The following PTPN11 variants were observed in gnomAD, a reference collection of about 807,000 sequenced individuals.
PTPN11 encodes tyrosine-protein phosphatase non-receptor type 11.
A neutral mutation model predicts 78.8 loss-of-function variants in PTPN11; 6 were observed. That is an observed-to-expected ratio of 0.08 (90% CI 0.04 to 0.15). The LOEUF (loss-of-function observed/expected upper bound fraction) is 0.15, where lower values mean the gene tolerates loss of function less well. PTPN11 is among the 10% of genes least tolerant of loss of function. PTPN11 has a pLI of 1.00. For missense variants in PTPN11, 386 were observed against 744.8 expected (o/e 0.52, Z 5.61); for synonymous variants, 221 against 263.5 (o/e 0.84, Z 1.56).
At chr12:112,505,106 C>T (rs2038917606) in intron 15 of PTPN11, among the ~76,000 whole-genome samples, 1 of 152,108 alleles carries the variant, frequency 6.6e-6, no homozygotes, top group East Asian at 1.9e-4. Context: ...TTGGTTAGCC[C>T]AGGCTGTGCT....
At chr12:112,454,785 T>G in intron 5 of PTPN11, 105 bp downstream of exon 5, 1 of 696,216 alleles carries the variant, frequency 1.4e-6, no homozygotes, top group Non-Finnish European at 2.6e-6. Context: ...ATCATCAGCC[T>G]CCATGTACCC....
In PTPN11 at chr12:112,485,177, C is replaced by T. The variant is rs188679068; in HGVS notation, c.1225-1298C>T. Among the ~76,000 whole-genome samples the T allele has an allele frequency of 2.7e-3, 407 of 152,012 alleles. 2 individuals are homozygous for T. Among genetic ancestry groups the T allele is most frequent in the African/African-American group, 9.5e-3 (392 of 41,466 alleles). Reference sequence around the variant, plus strand: ...TCTGAGGCCCAAGAATTGCTTGAATCGGGGAGGCGTAGGTTGCAGTGAGCT... The same window carrying T: ...TCTGAGGCCCAAGAATTGCTTGAATTGGGGAGGCGTAGGTTGCAGTGAGCT... On this transcript the variant is annotated intron_variant, in intron 10 of 15. Transcript: ENST00000351677.
At chr12:112,426,356 A>T (rs561864854) in intron 1 of PTPN11, among the ~76,000 whole-genome samples, 2 of 151,894 alleles carry the variant, frequency 1.3e-5, no homozygotes, top group South Asian at 4.2e-4. Flanking sequence ...CCCTTGATTC[A>T]CGCGATTCTC....
Position 112,506,995 on chromosome 12 carries a change from T to C in PTPN11, c.*1203T>C. ...ATGATGATGATGATGATGATGATGG[T>C]TTTTTCTAATCAGAAGAAAGCTGGG... On this transcript the variant is annotated 3_prime_UTR_variant, in exon 16 of 16. Transcript: ENST00000351677. 1 of 253,926 alleles carries C rather than the reference T, an allele frequency of 3.9e-6. No homozygotes were observed. Among genetic ancestry groups the C allele is most frequent in the South Asian group, 5.6e-5 (1 of 17,774 alleles). 15.7% of individuals were successfully genotyped at this position (253,926 alleles called of 1,614,324 possible).
At chr12:112,462,444 G>T (rs1307337696) in intron 6 of PTPN11, among the ~76,000 whole-genome samples, 1 of 151,968 alleles carries the variant, frequency 6.6e-6, no homozygotes, top group African/African-American at 2.4e-5. Flanking sequence ...CTGGGTATAT[G>T]GTTAGTTTAT....
chr12:112,501,992 C>A (rs147299627), intron 13 of PTPN11, 152 bp from the exon 14 acceptor site: 1 of 665,498 alleles, frequency 1.5e-6, no homozygotes, highest in Non-Finnish European at 2.7e-6. Flanking sequence ...AATCCCCTAA[C>A]AATTTGGTCA....
chr12:112,497,112 C>T (rs1188732962), intron 13 of PTPN11, among the ~76,000 whole-genome samples: 5 of 146,782 alleles, frequency 3.4e-5, no homozygotes, highest in African/African-American at 1.3e-4. Flanking sequence ...GCAGAGCTTG[C>T]AGTGAGCTGA....
At position 112,509,223 on chromosome 12, in the gene PTPN11, T is replaced by C. The variant is rs751678120; in HGVS notation, c.*3431T>C. On this transcript the variant is annotated 3_prime_UTR_variant, in exon 16 of 16. Transcript: ENST00000351677. ...TTTTTTCCTTCTTCCTCTTGAAAAGTTCCAAAATATAGTTTATTGTATCTT... is the reference window on the plus strand; with the variant it reads ...TTTTTTCCTTCTTCCTCTTGAAAAGCTCCAAAATATAGTTTATTGTATCTT... 2 of 152,226 alleles carry C rather than the reference T, an allele frequency of 1.3e-5. No homozygotes were observed. The highest frequency in any genetic ancestry group is 2.9e-5 in the Non-Finnish European group (2 of 68,038). The allele number at this position is 152,226 out of a possible 1,614,324, so 9.4% of individuals were successfully genotyped here.
chr12:112,452,055 T>C (rs1215332220), intron 3 of PTPN11, among the ~76,000 whole-genome samples: 1 of 151,870 alleles, frequency 6.6e-6, no homozygotes, highest in Non-Finnish European at 1.5e-5. Context: ...TTTGTATTTT[T>C]AGTAGAGACA....
At chr12:112,453,980 G>C (rs776762083) in intron 4 of PTPN11, among the ~76,000 whole-genome samples, 2 of 151,928 alleles carry the variant, frequency 1.3e-5, no homozygotes, top group South Asian at 4.2e-4. Flanking sequence ...ACTTAGTCAA[G>C]TTCGTCTATG....
Position 112,504,929 on chromosome 12 carries a change from C to G in PTPN11, c.*32+133C>G, listed in dbSNP as rs1168517827. 1 of 629,320 alleles carries G rather than the reference C, an allele frequency of 1.6e-6. No individual in the cohort carries two copies. The highest frequency in any genetic ancestry group is 2.9e-6 in the Non-Finnish European group (1 of 349,614). 39.0% of individuals were successfully genotyped at this position (629,320 alleles called of 1,614,324 possible). A position where few individuals can be genotyped will look rare whatever the true frequency, so the allele number is the denominator to read the frequency against. ...TTTACAAACCAGGCTCCTTTTTCCT[C>G]TCCCTGTACTTCTTTTTCCAAGATG... On this transcript the variant is annotated intron_variant, in intron 15 of 15. Transcript: ENST00000351677. The surrounding 1 kb of genome is among the most constrained non-coding windows in gnomAD (Gnocchi z 4.7).
intron 11 of PTPN11, among the ~76,000 whole-genome samples, chr12:112,488,048 T>G (rs2038701846): frequency 6.6e-6 from 1 of 152,112 alleles, no homozygotes. Context: ...CCTCCCAAAG[T>G]GCTGGTATTA....
chr12:112,425,661 T>C (rs1454206892), intron 1 of PTPN11, among the ~76,000 whole-genome samples: 2 of 152,180 alleles, frequency 1.3e-5, no homozygotes, highest in Non-Finnish European at 2.9e-5. Flanking sequence ...ATTGTACCCA[T>C]TAAGTAATTT....
At position 112,431,935 on chromosome 12, in the gene PTPN11, G is replaced by A. The variant is rs1301964440; in HGVS notation, c.14+12810G>A. On this transcript the variant is annotated intron_variant, in intron 1 of 15. Transcript: ENST00000351677. ...AAAAAATACCACAGACTAAAAAGGG[G>A]GGAAAAAAACCAGAGACAAATATTT... Among the ~76,000 whole-genome samples, 8 of 152,002 alleles carry A rather than the reference G, an allele frequency of 5.3e-5. 1 individual carries two copies. In the East Asian group the frequency reaches 1.2e-3, roughly 22 times the overall value.
chr12:112,454,796 A>T, intron 5 of PTPN11, 116 bp downstream of exon 5: 1 of 714,402 alleles, frequency 1.4e-6, no homozygotes. Flanking sequence ...CCATGTACCC[A>T]TTGCAGCTTC....
intron 6 of PTPN11, among the ~76,000 whole-genome samples, chr12:112,468,862 G>A (rs1025623785): frequency 1.3e-5 from 2 of 152,172 alleles, no homozygotes; most frequent in African/African-American, 2.4e-5. Context: ...CCTTGAGTGC[G>A]AGACCAGCCT....
At chr12:112,423,347 A>G (rs2037554502) in intron 1 of PTPN11, among the ~76,000 whole-genome samples, 1 of 151,962 alleles carries the variant, frequency 6.6e-6, no homozygotes, top group Admixed American at 6.6e-5. Context: ...GTGCAGTGAT[A>G]CAATATTGGC....
intron 6 of PTPN11, among the ~76,000 whole-genome samples, chr12:112,471,941 C>T (rs2038424904): frequency 1.3e-5 from 2 of 151,832 alleles, no homozygotes; most frequent in East Asian, 1.9e-4. Context: ...TTAGTAGAGA[C>T]GGGGTTTTGT....
At chr12:112,444,507 A>G (rs1592821095) in intron 1 of PTPN11, among the ~76,000 whole-genome samples, 1 of 151,664 alleles carries the variant, frequency 6.6e-6, no homozygotes, top group South Asian at 2.1e-4. Flanking sequence ...ACGCCCAACT[A>G]ATTTTGTATT....
Sources: allele counts gnomAD v4.1 joint callset (sites outside exome capture counted in the v4.1 genomes callset), GRCh38; gene constraint gnomAD v4.1.1; non-coding constraint Gnocchi (gnomAD v3.1); transcripts MANE v1.5; gene names NCBI Gene and HGNC (gene_info 2026-07-23, HGNC 2026-07-21).